The following NPAT variants were observed in gnomAD, a reference collection of about 807,000 sequenced individuals.
NPAT encodes the protein nuclear protein, coactivator of histone transcription, also known as protein NPAT.
A neutral mutation model predicts 130.7 loss-of-function variants in NPAT; 52 were observed. The ratio of observed to expected loss-of-function variants is 0.40; its 90% CI spans 0.32 to 0.50. The LOEUF (loss-of-function observed/expected upper bound fraction) is 0.50. Among genes scored for constraint, NPAT ranks in the 20% least tolerant of loss-of-function variants. The pLI is 0.68. For missense variants in NPAT, 1,687 were observed against 1,662.6 expected, an observed-to-expected ratio of 1.01 and a Z score of -0.26; for synonymous variants, 580 against 584.8, an observed-to-expected ratio of 0.99 and a Z score of 0.12.
chr11:108,188,965 A>C, intron 6 of NPAT, 141 bp downstream of exon 6: 1 of 706,100 alleles, frequency 1.4e-6, no homozygotes, highest in Non-Finnish European at 2.5e-6. Context: ...CAAATCTAGA[A>C]GTCTGTTCCA....
At chr11:108,181,446 C>G (rs1434771143) in intron 10 of NPAT, among the ~76,000 whole-genome samples, 1 of 148,598 alleles carries the variant, frequency 6.7e-6, no homozygotes, top group Non-Finnish European at 1.5e-5. Context: ...GCCAGGGTGA[C>G]AGAGCGAGAC....
At chr11:108,212,604 T>A (rs636837) in intron 1 of NPAT, among the ~76,000 whole-genome samples, 16,106 of 149,148 alleles carry the variant, frequency 0.11, 1,087 homozygotes, top group Middle Eastern at 0.3. Context: ...ATGTCTTATA[T>A]AGAAAATCCT....
At chr11:108,159,982 C>T (rs1274539876) in intron 17 of NPAT, among the ~76,000 whole-genome samples, 1 of 151,976 alleles carries the variant, frequency 6.6e-6, no homozygotes, top group Non-Finnish European at 1.5e-5. Context: ...GAAACCCCAT[C>T]TCTACTAAAC....
In NPAT at chr11:108,186,014, C is replaced by T. The variant is rs185514914; in HGVS notation, c.726+468G>A. 1.7e-3 allele frequency among the ~76,000 whole-genome samples: 261 copies of T among 151,876 alleles called. 1 individual carries two copies. Among genetic ancestry groups the T allele is most frequent in the Middle Eastern group, 3.4e-3 (1 of 294 alleles). Reference sequence around the variant, plus strand: ...GGGATTACAGGTACAAGCCACTACTCGCCGGCCAGTTTTTTTTTTTGAGAC... The same window carrying T: ...GGGATTACAGGTACAAGCCACTACTTGCCGGCCAGTTTTTTTTTTTGAGAC... On this transcript the variant is annotated intron_variant, in intron 8 of 17. Coordinates refer to ENST00000278612, the MANE Select transcript of NPAT (RefSeq NM_002519.3).
intron 10 of NPAT, among the ~76,000 whole-genome samples, chr11:108,179,213 T>C (rs2078036352): frequency 6.6e-6 from 1 of 152,218 alleles, no homozygotes; most frequent in African/African-American, 2.4e-5. Context: ...ACACCATATA[T>C]GAAAATTTAC....
intron 2 of NPAT, among the ~76,000 whole-genome samples, chr11:108,194,980 T>C (rs956716211): frequency 1.3e-5 from 2 of 152,132 alleles, no homozygotes; most frequent in Admixed American, 6.6e-5. Flanking sequence ...CACGCCATCA[T>C]GCCCAGCTAA....
At chr11:108,221,491 C>T (rs1191705181) in intron 1 of NPAT, among the ~76,000 whole-genome samples, 1 of 152,190 alleles carries the variant, frequency 6.6e-6, no homozygotes, top group African/African-American at 2.4e-5. Flanking sequence ...TTCCGTTTAA[C>T]GTTTCCTGCA....
chr11:108,177,526 A>T (rs2078020487), intron 10 of NPAT, among the ~76,000 whole-genome samples: 1 of 152,138 alleles, frequency 6.6e-6, no homozygotes, highest in South Asian at 2.1e-4. Context: ...CTTTTTATGT[A>T]GTAGCATTCC....
rs2077972382 is a variant in NPAT at position 108,173,277 on chromosome 11, T to C, written c.1707A>G (p.Ser569=). ...KLKINFHGSK[S]SDSSEVHKSK... Reference sequence around the variant, plus strand: ...TCTTGTGAACTTCACTAGAATCTGATGACTTGGAACCATGAAAATTAATTT... The same window carrying C: ...TCTTGTGAACTTCACTAGAATCTGACGACTTGGAACCATGAAAATTAATTT... The change falls in exon 13 of 18, where the codon TCA becomes TCG. Residue 569 remains serine (S), a synonymous_variant. Coordinates refer to ENST00000278612, the MANE Select transcript of NPAT (RefSeq NM_002519.3). 2 of 1,611,950 alleles carry C rather than the reference T, an allele frequency of 1.2e-6. No individual in the cohort carries two copies. The highest frequency in any genetic ancestry group is 2.7e-5 in the African/African-American group (2 of 74,932).
chr11:108,172,803 G>A lies in NPAT; in HGVS notation c.2181C>T (p.Asn727=), dbSNP rs755297383. The A allele has an allele frequency of 9.3e-6, 15 of 1,613,734 alleles. No individual in the cohort carries two copies. The highest frequency in any genetic ancestry group is 1.6e-4 in the Middle Eastern group (1 of 6,062). ...SQNTDDKPSS[N]NSAEIDASNI... ...TTGATGCATCTATCTCTGCTGAGTTGTTGCTAGAAGGTTTATCATCAGTAT... is the reference window on the plus strand; with the variant it reads ...TTGATGCATCTATCTCTGCTGAGTTATTGCTAGAAGGTTTATCATCAGTAT... Residue 727 remains asparagine, a synonymous_variant, in exon 13 of 18, where the codon AAC becomes AAT. Transcript: ENST00000278612.
At position 108,163,446 on chromosome 11, in the gene NPAT, A is replaced by G. The variant is rs56892185; in HGVS notation, c.3011-1266T>C. On this transcript the variant is annotated intron_variant, in intron 15 of 17. Coordinates refer to ENST00000278612, the MANE Select transcript of NPAT (RefSeq NM_002519.3). ...TATGTCTTTGGAAGATCTGGCAATA[A>G]TGTGGAAGATGGAACTGAGAAGACA... 3.2e-3 allele frequency among the ~76,000 whole-genome samples: 493 copies of G among 152,272 alleles called. 2 individuals carry two copies. Among genetic ancestry groups the G allele is most frequent in the African/African-American group, 0.011 (473 of 41,552 alleles).
chr11:108,181,802 A>G (rs2078061088), intron 10 of NPAT, among the ~76,000 whole-genome samples: 1 of 152,188 alleles, frequency 6.6e-6, no homozygotes, highest in African/African-American at 2.4e-5. Flanking sequence ...TGTGAAGCAA[A>G]ATCTGAAAAT....
chr11:108,165,705 A>G (rs760369504), intron 15 of NPAT, among the ~76,000 whole-genome samples: 3 of 149,026 alleles, frequency 2.0e-5, no homozygotes, highest in Non-Finnish European at 4.4e-5. Context: ...ATCTTGTCTC[A>G]CTGCAAGCTC....
intron 10 of NPAT, among the ~76,000 whole-genome samples, chr11:108,179,764 C>T (rs1426893774): frequency 6.6e-6 from 1 of 151,770 alleles, no homozygotes; most frequent in Non-Finnish European, 1.5e-5. Context: ...GCCTGGGCAA[C>T]ATAGGGAGAC....
At chr11:108,170,264 CA>C (rs1565309432) in intron 13 of NPAT, 1 of 506,236 alleles carries the variant, frequency 2.0e-6, no homozygotes, top group Non-Finnish European at 3.6e-6. Context: ...AAGAAAAAGT[CA>C]ATCCAAATAT....
chr11:108,185,010 A>G, intron 10 of NPAT, among the ~76,000 whole-genome samples: 1 of 152,246 alleles, frequency 6.6e-6, no homozygotes, highest in Non-Finnish European at 1.5e-5. Flanking sequence ...TGGATGCAAT[A>G]TAGATTCTAT....
chr11:108,192,693 C>T (rs868366257), intron 3 of NPAT, among the ~76,000 whole-genome samples: 6 of 152,244 alleles, frequency 3.9e-5, no homozygotes, highest in Middle Eastern at 6.8e-3. Context: ...TGGTGGCTCA[C>T]GCCTGTAATC....
chr11:108,186,621 A>G (rs1345247322), intron 7 of NPAT, 52 bp from the exon 8 acceptor site: 1 of 1,388,376 alleles, frequency 7.2e-7, no homozygotes, highest in Non-Finnish European at 1.0e-6. Flanking sequence ...TAACAGATTT[A>G]AAGATAAATA....
intron 1 of NPAT, among the ~76,000 whole-genome samples, chr11:108,204,400 A>C (rs2078305682): frequency 1.3e-5 from 2 of 151,988 alleles, no homozygotes; most frequent in African/African-American, 4.8e-5. Context: ...TACCTTTGGG[A>C]CCCCTATCAC....
Sources: allele counts gnomAD v4.1 joint callset (sites outside exome capture counted in the v4.1 genomes callset), GRCh38; gene constraint gnomAD v4.1.1; transcripts MANE v1.5; gene names NCBI Gene and HGNC (gene_info 2026-07-23, HGNC 2026-07-21).